The following RIMS2 variants were observed in gnomAD, a reference collection of about 807,000 sequenced individuals.
RIMS2 encodes regulating synaptic membrane exocytosis 2, also known as regulating synaptic membrane exocytosis protein 2.
In RIMS2, 59 loss-of-function variants were observed where a neutral mutation model predicts 174.4. The ratio of observed to expected loss-of-function variants is 0.34; its 90% CI spans 0.27 to 0.42. RIMS2 has a LOEUF of 0.42. Ranked by LOEUF, RIMS2 falls within the 10% of genes least tolerant of loss-of-function variation. The probability of loss-of-function intolerance (pLI) is 1.00; values close to 1 mark genes in which losing one functional copy is unlikely to be tolerated. For missense variants in RIMS2, 1,620 were observed against 1,666.3 expected, an observed-to-expected ratio of 0.97 and a Z score of 0.48; for synonymous variants, 606 against 572.5, an observed-to-expected ratio of 1.06 and a Z score of -0.84.
At chr8:103,911,953 G>A (rs965431127) in intron 5 of RIMS2, 100 bp from the exon 9 acceptor site, 1 of 876,914 alleles carries the variant, frequency 1.1e-6, no homozygotes, top group Non-Finnish European at 1.7e-6. Flanking sequence ...CTGAAGTTTA[G>A]AGAGGTCGTA....
chr8:104,240,366 G>C (rs1397157501), intron 19 of RIMS2, among the ~76,000 whole-genome samples: 1 of 152,164 alleles, frequency 6.6e-6, no homozygotes, highest in Admixed American at 6.5e-5. Flanking sequence ...CAAATCATTT[G>C]GAACATTAAA....
At chr8:103,668,653 G>GATTGATTTATTTATTT (rs2096705915) in intron 1 of RIMS2, among the ~76,000 whole-genome samples, 2 of 149,084 alleles carry the variant, frequency 1.3e-5, no homozygotes, top group Non-Finnish European at 3.0e-5. Context: ...GAGTATAGAC[G>GATTGATTTATTTATTT]ATTTATTTAT....
chr8:103,701,576 C>T (rs1482619752), intron 2 of RIMS2, among the ~76,000 whole-genome samples: 4 of 151,984 alleles, frequency 2.6e-5, no homozygotes, highest in South Asian at 2.1e-4. Context: ...TCTTTATTCC[C>T]GCTTCCTCCT....
chr8:103,904,264 T>C (rs1407741432), intron 4 of RIMS2, among the ~76,000 whole-genome samples: 1 of 152,128 alleles, frequency 6.6e-6, no homozygotes, highest in Non-Finnish European at 1.5e-5. Context: ...GTTGTGTGTA[T>C]AGTTTTTTCC....
At chr8:103,595,816 G>A (rs2094458839) in intron 1 of RIMS2, among the ~76,000 whole-genome samples, 2 of 151,922 alleles carry the variant, frequency 1.3e-5, no homozygotes, top group Admixed American at 1.3e-4. Flanking sequence ...ATAATTTTAA[G>A]AAGAAATGAG....
At chr8:103,664,262 A>G (rs1469950759) in intron 1 of RIMS2, among the ~76,000 whole-genome samples, 3 of 152,236 alleles carry the variant, frequency 2.0e-5, no homozygotes, top group African/African-American at 7.2e-5. Context: ...TGGCAACAAA[A>G]GCCAAAATAG....
chr8:103,506,911 C>T (rs910124816), intron 1 of RIMS2, among the ~76,000 whole-genome samples: 2 of 152,080 alleles, frequency 1.3e-5, no homozygotes, highest in African/African-American at 2.4e-5. Flanking sequence ...TATTGGTAAT[C>T]GGCAAGATAC....
At chr8:103,555,945 A>C (rs1325981125) in intron 1 of RIMS2, among the ~76,000 whole-genome samples, 1 of 152,166 alleles carries the variant, frequency 6.6e-6, no homozygotes, top group Non-Finnish European at 1.5e-5. Context: ...GGATAGAAAG[A>C]CGAATACTGG....
chr8:104,210,733 C>T (rs748477328), intron 19 of RIMS2, among the ~76,000 whole-genome samples: 3 of 152,162 alleles, frequency 2.0e-5, no homozygotes, highest in Non-Finnish European at 4.4e-5. Context: ...TGCACAGTGG[C>T]AGGCTGCTCA....
intron 3 of RIMS2, among the ~76,000 whole-genome samples, chr8:103,812,942 A>G (rs1222969062): frequency 6.6e-6 from 1 of 152,204 alleles, no homozygotes; most frequent in East Asian, 1.9e-4. Context: ...TAGTCAGTAG[A>G]ACAAGAATAA....
At chr8:103,621,308 G>A (rs1424907797) in intron 1 of RIMS2, among the ~76,000 whole-genome samples, 1 of 152,200 alleles carries the variant, frequency 6.6e-6, no homozygotes, top group Non-Finnish European at 1.5e-5. Context: ...CTACTGCTGT[G>A]TCTGGTTTCC....
rs141011454 is a variant in RIMS2 at position 103,747,538 on chromosome 8, C to T, written c.388-18689C>T. Among the ~76,000 whole-genome samples, 86 of 152,004 alleles carry T rather than the reference C, an allele frequency of 5.7e-4. No individual in the cohort carries two copies. The East Asian group carries it at 0.015, about 26-fold the overall frequency. ...AGTGGAGGTATGAAAAGAATGGAAG[C>T]TGGAAGATTAGTTATGAAGAAATAA... is the stretch of plus-strand genomic sequence containing the variant. On this transcript the variant is annotated intron_variant, in intron 2 of 23. Transcript: ENST00000504942.
At chr8:104,139,657 T>A (rs1192598946) in intron 19 of RIMS2, among the ~76,000 whole-genome samples, 1 of 152,218 alleles carries the variant, frequency 6.6e-6, no homozygotes. Context: ...TAATAGTTTT[T>A]TTGGTGTAGT....
intron 15 of RIMS2, among the ~76,000 whole-genome samples, chr8:103,965,005 T>C (rs1485215344): frequency 1.3e-5 from 2 of 152,186 alleles, no homozygotes; most frequent in African/African-American, 4.8e-5. Flanking sequence ...ATATGTTCCA[T>C]TGATTTATTT....
chr8:103,733,140 C>A (rs1232459504), intron 2 of RIMS2, among the ~76,000 whole-genome samples: 1 of 152,008 alleles, frequency 6.6e-6, no homozygotes, highest in African/African-American at 2.4e-5. Flanking sequence ...CTTTAGTCTG[C>A]AGGTGATGAT....
At chr8:104,223,867 CAGAGAGAA>C in intron 19 of RIMS2, 1 of 1,236,010 alleles carries the variant, frequency 8.1e-7, no homozygotes, top group Non-Finnish European at 1.1e-6. Context: ...TTGGCCGGGG[CAGAGAGAA>C]CTCCACGTAG....
chr8:103,688,869 A>G (rs931876089), intron 1 of RIMS2, among the ~76,000 whole-genome samples: 1 of 151,524 alleles, frequency 6.6e-6, no homozygotes, highest in African/African-American at 2.4e-5. Flanking sequence ...GCTGATACGT[A>G]TTGTTTCCCT....
intron 19 of RIMS2, among the ~76,000 whole-genome samples, chr8:104,194,054 A>T (rs559163140): frequency 6.6e-6 from 1 of 152,310 alleles, no homozygotes; most frequent in Admixed American, 6.5e-5. Context: ...AAAGATCTTC[A>T]AATGGTCTTT....
intron 1 of RIMS2, among the ~76,000 whole-genome samples, chr8:103,673,670 C>T (rs1225010609): frequency 1.3e-5 from 2 of 152,158 alleles, no homozygotes; most frequent in African/African-American, 4.8e-5. Flanking sequence ...GGCCTCAGTG[C>T]CTGTGATAGG....
Sources: allele counts gnomAD v4.1 joint callset (sites outside exome capture counted in the v4.1 genomes callset), GRCh38; gene constraint gnomAD v4.1.1; transcripts MANE v1.5; gene names NCBI Gene and HGNC (gene_info 2026-07-23, HGNC 2026-07-21).